DNASE1: variants seen among roughly 807,000 people sequenced by gnomAD.
The protein encoded by DNASE1 is deoxyribonuclease-1.
Under a neutral mutation model 33.9 loss-of-function variants are expected in DNASE1, and 40 were observed. That is an observed-to-expected ratio of 1.18 (90% confidence interval 0.92 to 1.54). DNASE1 has a LOEUF of 1.54. DNASE1 is among the 40% of genes most tolerant of loss of function. The pLI is 0.00. For synonymous variants in DNASE1, 216 were observed against 160.0 expected (o/e 1.35, Z -2.64); for missense variants, 518 against 372.6 (o/e 1.39, Z -3.21).
intron 1 of DNASE1, among the ~76,000 whole-genome samples, chr16:3,636,533 C>A (rs973963007): frequency 6.6e-6 from 1 of 152,122 alleles, no homozygotes; most frequent in Non-Finnish European, 1.5e-5. Flanking sequence ...TTAAAAGGAA[C>A]TGAGGAGGCC....
At chr16:3,612,040 G>C (rs1020791365) in intron 1 of DNASE1, 5 of 152,314 alleles carry the variant, frequency 3.3e-5, no homozygotes, top group African/African-American at 1.2e-4. Flanking sequence ...CCTGGAGGTC[G>C]GGGAGGGTTA....
intron 1 of DNASE1, among the ~76,000 whole-genome samples, chr16:3,648,560 G>T (rs1404487425): frequency 6.6e-6 from 1 of 152,186 alleles, no homozygotes; most frequent in East Asian, 1.9e-4. Context: ...GCAGGCTGCA[G>T]TGCAGAGCCA....
chr16:3,638,048 A>G (rs2151187486), upstream of DNASE1, among the ~76,000 whole-genome samples: 1 of 150,762 alleles, frequency 6.6e-6, no homozygotes, highest in Non-Finnish European at 1.5e-5. Context: ...CTTTGCCTTC[A>G]TTTTTTAATG....
upstream of DNASE1, chr16:3,650,606 A>G (rs2042303035): frequency 6.9e-6 from 1 of 145,536 alleles, no homozygotes; most frequent in African/African-American, 2.6e-5. Context: ...GGTCATTCAA[A>G]AAAAAAAAAA....
rs542303065 is a variant in DNASE1, at chr16:3,654,940, T to G, written c.-106T>G. The G allele has an allele frequency of 2.0e-5, 9 of 460,428 alleles. No homozygotes were observed. Among genetic ancestry groups the G allele is most frequent in the Admixed American group, 1.5e-4 (4 of 26,202 alleles). The allele number at this position is 460,428 out of a possible 1,614,324, so 28.5% of individuals were successfully genotyped here. A position where few individuals can be genotyped will look rare whatever the true frequency, so the allele number is the denominator to read the frequency against. ...TCTTCAGAGACCTTTCTTCATAGAC[T>G]ACTTTTTTTTCTTTAAGCAGCAAAA... On this transcript the variant is annotated 5_prime_UTR_variant, in exon 1 of 9. Coordinates refer to ENST00000246949, the MANE Select transcript of DNASE1 (RefSeq NM_005223.4).
chr16:3,661,957 A>G, downstream of DNASE1: 2 of 1,564,718 alleles, frequency 1.3e-6, no homozygotes, highest in African/African-American at 2.7e-5. Context: ...GGAATCCCAC[A>G]GGCTGGAAGA....
intron 1 of DNASE1, among the ~76,000 whole-genome samples, chr16:3,632,644 A>C (rs944479792): frequency 6.7e-6 from 1 of 150,238 alleles, no homozygotes. Context: ...GGAGTGCAGT[A>C]GCTTGATCTC....
upstream of DNASE1, among the ~76,000 whole-genome samples, chr16:3,638,908 A>G (rs2151188730): frequency 6.6e-6 from 1 of 151,894 alleles, no homozygotes; most frequent in Admixed American, 6.5e-5. Context: ...GCATCTTTTC[A>G]TTTCAGGTTT....
intron 1 of DNASE1, among the ~76,000 whole-genome samples, chr16:3,649,013 A>G (rs896064623): frequency 3.3e-5 from 5 of 152,070 alleles, no homozygotes; most frequent in African/African-American, 1.2e-4. Flanking sequence ...CCGTGTCCCC[A>G]TGGTGCTGTT....
intron 1 of DNASE1, among the ~76,000 whole-genome samples, chr16:3,645,781 T>C (rs1482986788): frequency 6.6e-6 from 1 of 152,192 alleles, no homozygotes; most frequent in Non-Finnish European, 1.5e-5. Context: ...AAATTTCCCA[T>C]CCTGGGTTAA....
At chr16:3,663,178 A>C (rs895207118) in exon 10 of DNASE1, 1 of 659,054 alleles carries the variant, frequency 1.5e-6, no homozygotes, top group Non-Finnish European at 2.5e-6. Context: ...TTAAAAAAAT[A>C]CACAGCCTCT....
chr16:3,637,765 G>A (rs1311625858), intron 1 of DNASE1, among the ~76,000 whole-genome samples: 2 of 152,128 alleles, frequency 1.3e-5, no homozygotes, highest in Non-Finnish European at 2.9e-5. Context: ...GTCTGGTAGG[G>A]CTCATGGAGG....
chr16:3,637,712 G>A (rs1000073644), intron 1 of DNASE1, among the ~76,000 whole-genome samples: 3 of 152,102 alleles, frequency 2.0e-5, no homozygotes, highest in South Asian at 2.1e-4. Flanking sequence ...CCCCTCCCCC[G>A]CCAGAAGTAT....
At chr16:3,624,122 C>G in intron 1 of DNASE1, among the ~76,000 whole-genome samples, 1 of 151,954 alleles carries the variant, frequency 6.6e-6, no homozygotes, top group East Asian at 1.9e-4. Flanking sequence ...ACTAAAAATA[C>G]AAAAATCAGC....
Position 3,655,356 on chromosome 16 carries a change from G to A in DNASE1, c.-1-17G>A. 6.2e-7 allele frequency: 1 copy of A among 1,613,960 alleles called. No individual in the cohort carries two copies. Among genetic ancestry groups the A allele is most frequent in the Non-Finnish European group, 8.5e-7 (1 of 1,180,006 alleles). The stretch of plus-strand genomic sequence containing the variant: ...CGTCTCACTTCTGTTATGTCTCTGT[G>A]CCCTGTGCTCTCCCAGGATGAGGGG... On this transcript the variant is annotated splice_polypyrimidine_tract_variant and intron_variant, in intron 1 of 8. Transcript: ENST00000246949.
At chr16:3,641,930 A>G (rs1183672771), upstream of DNASE1, among the ~76,000 whole-genome samples, 1 of 152,200 alleles carries the variant, frequency 6.6e-6, no homozygotes, top group Non-Finnish European at 1.5e-5. Flanking sequence ...CCACCCAGGA[A>G]AGGAGTGGGC....
intron 1 of DNASE1, among the ~76,000 whole-genome samples, chr16:3,634,482 C>T (rs1404601714): frequency 6.6e-6 from 1 of 152,010 alleles, no homozygotes; most frequent in Non-Finnish European, 1.5e-5. Context: ...CCCACCTCGG[C>T]CTCCCAAAGT....
downstream of DNASE1, chr16:3,662,059 C>T (rs750670034): frequency 2.5e-5 from 41 of 1,613,316 alleles, no homozygotes; most frequent in Middle Eastern, 1.6e-4. Context: ...CTGCTGCATG[C>T]GCAGGAAGTG....
chr16:3,617,971 C>G (rs1407594076), intron 1 of DNASE1, among the ~76,000 whole-genome samples: 2 of 151,490 alleles, frequency 1.3e-5, no homozygotes, highest in Non-Finnish European at 1.5e-5. Context: ...TAAGAGCAGC[C>G]CAAATGGACT....
Sources: gnomAD v4.1 joint callset for allele counts (sites outside exome capture counted in the v4.1 genomes callset) on GRCh38, gnomAD v4.1.1 for gene constraint, MANE v1.5 for transcripts, NCBI Gene and HGNC (gene_info 2026-07-23, HGNC 2026-07-21) for gene names.